Variants in LIMCH1 observed in about 807,000 individuals in gnomAD.
The protein encoded by LIMCH1 is LIM and calponin homology domains-containing protein 1.
LIMCH1 carries 113 observed loss-of-function variants against 176.5 expected under a neutral mutation model. The ratio of observed to expected loss-of-function variants is 0.64; its 90% CI spans 0.55 to 0.75. The LOEUF (loss-of-function observed/expected upper bound fraction) is 0.75, where lower values mean the gene tolerates loss of function less well. LIMCH1 is among the 30% of genes least tolerant of loss of function. LIMCH1 has a pLI of 0.00. For missense variants in LIMCH1, 1,674 were observed against 1,814.9 expected, an observed-to-expected ratio of 0.92 and a Z score of 1.41; for synonymous variants, 619 against 645.9, an observed-to-expected ratio of 0.96 and a Z score of 0.63.
At chr4:41,592,709 C>T (rs1405000607) in intron 1 of LIMCH1, among the ~76,000 whole-genome samples, 2 of 152,160 alleles carry the variant, frequency 1.3e-5, no homozygotes, top group Admixed American at 6.5e-5. Context: ...TCGATAGCAT[C>T]CCCCACCTTA....
chr4:41,409,587 A>G (rs2059297734), intron 1 of LIMCH1, among the ~76,000 whole-genome samples: 2 of 152,226 alleles, frequency 1.3e-5, no homozygotes, highest in East Asian at 1.9e-4. Flanking sequence ...AAATGCATCT[A>G]TGTTAGGGAA....
chr4:41,631,756 T>C (rs2093338080), intron 10 of LIMCH1, among the ~76,000 whole-genome samples: 2 of 152,210 alleles, frequency 1.3e-5, no homozygotes, highest in Non-Finnish European at 2.9e-5. Flanking sequence ...TCCAGTACTA[T>C]TTTATTAGTT....
In LIMCH1 at chr4:41,452,049, C is replaced by T. The variant is rs778339351; in HGVS notation, c.97-42487C>T. On this transcript the variant is annotated intron_variant, in intron 1 of 26. Transcript: ENST00000313860. ...TCTCAGGATCAAACAACTTAGTCCCCGCTTGGCTCTTCCCCTAGGCTCCAG... is the reference window on the plus strand; with the variant it reads ...TCTCAGGATCAAACAACTTAGTCCCTGCTTGGCTCTTCCCCTAGGCTCCAG... Among the ~76,000 whole-genome samples the T allele has an allele frequency of 8.9e-4, 136 of 152,254 alleles. 1 individual carries two copies. The highest frequency in any genetic ancestry group is 2.8e-4 in the Non-Finnish European group (19 of 68,012).
chr4:41,502,560 C>T (rs2073491615), intron 2 of LIMCH1, among the ~76,000 whole-genome samples: 8 of 152,192 alleles, frequency 5.3e-5, no homozygotes, highest in Admixed American at 5.2e-4. Flanking sequence ...TCTGCAACCT[C>T]ACCAGCATCT....
At chr4:41,396,910 A>T (rs906194090) in intron 1 of LIMCH1, among the ~76,000 whole-genome samples, 1 of 145,932 alleles carries the variant, frequency 6.9e-6, no homozygotes, top group African/African-American at 2.5e-5. Context: ...AAAAAAAAAT[A>T]AATAAATAAA....
chr4:41,524,466 C>A, exon 3 of LIMCH1: 1 of 1,612,652 alleles, frequency 6.2e-7, no homozygotes, highest in South Asian at 1.1e-5. Context: ...TGCCTACCCC[C>A]ATTGCAGGAC....
chr4:41,626,201 C>G (rs1256020104), intron 7 of LIMCH1, among the ~76,000 whole-genome samples: 2 of 152,068 alleles, frequency 1.3e-5, no homozygotes, highest in East Asian at 3.9e-4. Flanking sequence ...TAGCTCAGCT[C>G]TGAAGAAAGA....
intron 2 of LIMCH1, among the ~76,000 whole-genome samples, chr4:41,506,118 T>G (rs1000334673): frequency 3.9e-5 from 6 of 152,238 alleles, no homozygotes; most frequent in Non-Finnish European, 8.8e-5. Context: ...GCAAACGTAT[T>G]GTCATGAAAT....
intron 1 of LIMCH1, among the ~76,000 whole-genome samples, chr4:41,491,697 A>T (rs1306533842): frequency 1.0e-5 from 1 of 100,292 alleles, no homozygotes; most frequent in Non-Finnish European, 1.9e-5. Flanking sequence ...TGGGGTGGCG[A>T]TTGGGCAGAG....
At chr4:41,590,396 A>T (rs4128424) in intron 1 of LIMCH1, among the ~76,000 whole-genome samples, 13,112 of 152,030 alleles carry the variant, frequency 0.086, 1,840 homozygotes, top group African/African-American at 0.3. Context: ...GGGATCTTAT[A>T]GTAGCCTCTT....
In LIMCH1 at chr4:41,438,690, AT is replaced by A. The variant is rs5857795; in HGVS notation, c.97-55834del. The stretch of plus-strand genomic sequence containing the variant: ...TTTCAAACTTCTGCAGTGAAGGACT[AT>A]TTTTTTTTTTTGTTTTGCTTTTGTT... On this transcript the variant is annotated intron_variant, in intron 1 of 26. Coordinates refer to the LIMCH1 transcript ENST00000313860. Among the ~76,000 whole-genome samples, 503 of 145,488 alleles carry A rather than the reference AT, an allele frequency of 3.5e-3. 1 individual carries two copies. Among genetic ancestry groups the A allele is most frequent in the African/African-American group, 9.0e-3 (360 of 40,142 alleles).
At chr4:41,403,673 T>A (rs2058691509) in intron 1 of LIMCH1, among the ~76,000 whole-genome samples, 1 of 152,234 alleles carries the variant, frequency 6.6e-6, no homozygotes, top group Non-Finnish European at 1.5e-5. Flanking sequence ...TCCACCTAGC[T>A]CCTGCATTGA....
chr4:41,665,688 C>A (rs1336959166), intron 20 of LIMCH1, among the ~76,000 whole-genome samples: 4 of 152,134 alleles, frequency 2.6e-5, no homozygotes, highest in African/African-American at 4.8e-5. Flanking sequence ...TAAATTTATA[C>A]AGCCACGCTC....
chr4:41,530,099 GA>G (rs2077097964), intron 3 of LIMCH1, among the ~76,000 whole-genome samples: 1 of 152,194 alleles, frequency 6.6e-6, no homozygotes, highest in Admixed American at 6.5e-5. Flanking sequence ...TATGAAAACT[GA>G]CATCAGAACA....
chr4:41,624,432 G>A (rs1007120060), intron 7 of LIMCH1, among the ~76,000 whole-genome samples: 2 of 152,038 alleles, frequency 1.3e-5, no homozygotes, highest in Non-Finnish European at 2.9e-5. Flanking sequence ...CCGGTTCACC[G>A]TGGCTGCTGA....
chr4:41,423,820 A>T (rs1353154345), intron 1 of LIMCH1, among the ~76,000 whole-genome samples: 1 of 152,152 alleles, frequency 6.6e-6, no homozygotes, highest in East Asian at 1.9e-4. Context: ...TTTGGGGGAA[A>T]GTAAGTGTTT....
At chr4:41,630,045 A>T (rs1374130830) in intron 9 of LIMCH1, among the ~76,000 whole-genome samples, 6 of 152,018 alleles carry the variant, frequency 3.9e-5, no homozygotes. Context: ...GGCTCAAGGG[A>T]TCCTCCCACC....
intron 20 of LIMCH1, among the ~76,000 whole-genome samples, chr4:41,666,345 C>T (rs1412993468): frequency 2.0e-5 from 3 of 152,156 alleles, no homozygotes; most frequent in Non-Finnish European, 2.9e-5. Context: ...TTTTTACGCT[C>T]ATGTTTGATT....
chr4:41,665,592 C>G (rs1438640605), intron 20 of LIMCH1, among the ~76,000 whole-genome samples: 4 of 152,120 alleles, frequency 2.6e-5, no homozygotes, highest in Non-Finnish European at 5.9e-5. Flanking sequence ...TGGTCTCACT[C>G]GCCCTGAGGT....
Sources: gnomAD v4.1 joint callset for allele counts (sites outside exome capture counted in the v4.1 genomes callset) on GRCh38, gnomAD v4.1.1 for gene constraint, MANE v1.5 for transcripts, NCBI Gene and HGNC (gene_info 2026-07-23, HGNC 2026-07-21) for gene names.